Variants in TENM3 observed in about 807,000 individuals in gnomAD.
TENM3 encodes the protein teneurin transmembrane protein 3, also known as teneurin-3.
Under a neutral mutation model 255.1 loss-of-function variants are expected in TENM3, and 63 were observed. That is an observed-to-expected ratio of 0.25 (90% confidence interval 0.20 to 0.30). TENM3 has a LOEUF of 0.30. Among genes scored for constraint, TENM3 ranks in the 10% least tolerant of loss-of-function variants. The probability of loss-of-function intolerance (pLI) is 1.00; values close to 1 mark genes in which losing one functional copy is unlikely to be tolerated. For synonymous variants in TENM3, 1,306 were observed against 1,322.3 expected (o/e 0.99, Z 0.27); for missense variants, 2,929 against 3,461.1 (o/e 0.85, Z 3.86).
At chr4:182,138,247 G>A in the TENM3 span, among the ~76,000 whole-genome samples, 15 of 152,256 alleles carry the variant, frequency 9.9e-5, no homozygotes, top group Non-Finnish European at 2.1e-4. Context: ...TTATCACGAC[G>A]AATCTTTGCA....
At chr4:182,128,956 A>G in the TENM3 span, among the ~76,000 whole-genome samples, 256 of 152,316 alleles carry the variant, frequency 1.7e-3, 3 homozygotes, top group African/African-American at 5.7e-3. Context: ...TACTCAAATT[A>G]ATTCTGTCAT....
chr4:182,055,293 C>T, the TENM3 span, among the ~76,000 whole-genome samples: 1 of 151,884 alleles, frequency 6.6e-6, no homozygotes, highest in South Asian at 2.1e-4. Flanking sequence ...GGCTGTGAGC[C>T]ATGATGGTGC....
the TENM3 span, among the ~76,000 whole-genome samples, chr4:181,508,098 C>T: frequency 6.6e-6 from 1 of 152,144 alleles, no homozygotes; most frequent in East Asian, 1.9e-4. Context: ...GGATGGAGCC[C>T]GCATCTCCTC....
the TENM3 span, among the ~76,000 whole-genome samples, chr4:181,646,778 T>A: frequency 1.3e-5 from 2 of 152,154 alleles, no homozygotes; most frequent in Non-Finnish European, 1.5e-5. Context: ...GGGTACAATA[T>A]AAGCAGAATC....
At chr4:182,031,603 T>A in the TENM3 span, among the ~76,000 whole-genome samples, 1 of 152,144 alleles carries the variant, frequency 6.6e-6, no homozygotes, top group African/African-American at 2.4e-5. Flanking sequence ...TCAATGGTAG[T>A]TTGATTGGAA....
intron 1 of TENM3, among the ~76,000 whole-genome samples, chr4:182,202,167 G>GT (rs1232079680): frequency 6.6e-6 from 1 of 152,212 alleles, no homozygotes; most frequent in Non-Finnish European, 1.5e-5. Context: ...AAGCCTGAGA[G>GT]TTTTATAGCT....
intron 22 of TENM3, among the ~76,000 whole-genome samples, chr4:182,768,817 C>T (rs1579421487): frequency 1.3e-5 from 2 of 152,096 alleles, no homozygotes; most frequent in East Asian, 1.9e-4. Flanking sequence ...AGTGGAAGAG[C>T]GGTAGGTCAC....
the TENM3 span, among the ~76,000 whole-genome samples, chr4:181,575,101 C>G: frequency 6.6e-6 from 1 of 151,998 alleles, no homozygotes. Context: ...TACCAGTCCC[C>G]CATTCATTCC....
the TENM3 span, among the ~76,000 whole-genome samples, chr4:182,012,035 CAT>C: frequency 2.0e-5 from 3 of 152,174 alleles, no homozygotes; most frequent in East Asian, 1.9e-4. Flanking sequence ...CAACTGCAAA[CAT>C]ATGAATGACA....
chr4:182,184,963 A>G (rs1213476245), intron 1 of TENM3, among the ~76,000 whole-genome samples: 3 of 151,940 alleles, frequency 2.0e-5, no homozygotes, highest in African/African-American at 7.3e-5. Flanking sequence ...GGCGCCTGTG[A>G]TCCTAGTAAC....
chr4:182,311,594 A>G (rs1423270726), intron 1 of TENM3, among the ~76,000 whole-genome samples: 1 of 152,226 alleles, frequency 6.6e-6, no homozygotes, highest in Non-Finnish European at 1.5e-5. Context: ...TCTGGGCCTC[A>G]GTTCTGTCAT....
intron 5 of TENM3, among the ~76,000 whole-genome samples, chr4:182,647,992 A>G (rs1361150889): frequency 6.6e-6 from 1 of 152,076 alleles, no homozygotes; most frequent in African/African-American, 2.4e-5. Context: ...TTCCTCCTTA[A>G]AGTTTGCACT....
chr4:182,039,515 T>A, the TENM3 span, among the ~76,000 whole-genome samples: 3 of 152,144 alleles, frequency 2.0e-5, no homozygotes, highest in African/African-American at 7.2e-5. Flanking sequence ...ACCAAGGACA[T>A]ATATGCAGTA....
At chr4:182,406,043 C>T (rs1370376609) in intron 3 of TENM3, among the ~76,000 whole-genome samples, 8 of 152,146 alleles carry the variant, frequency 5.3e-5, no homozygotes, top group South Asian at 4.1e-4. Context: ...TGGTGGTTCA[C>T]GCCTGTAATC....
At chr4:181,717,288 G>A in the TENM3 span, among the ~76,000 whole-genome samples, 3 of 152,128 alleles carry the variant, frequency 2.0e-5, no homozygotes, top group Non-Finnish European at 4.4e-5. Context: ...TTATTTCTTT[G>A]TCCATGAGAA....
chr4:182,292,167 G>A (rs1302553781), intron 1 of TENM3, among the ~76,000 whole-genome samples: 1 of 152,110 alleles, frequency 6.6e-6, no homozygotes, highest in Non-Finnish European at 1.5e-5. Flanking sequence ...AAAATATGAT[G>A]CTATAAAGAT....
At chr4:182,625,929 A>T (rs984712530) in intron 4 of TENM3, among the ~76,000 whole-genome samples, 2 of 152,120 alleles carry the variant, frequency 1.3e-5, no homozygotes, top group African/African-American at 2.4e-5. Flanking sequence ...CCTGTTCCTT[A>T]CTTTTTGGTA....
intron 3 of TENM3, among the ~76,000 whole-genome samples, chr4:182,495,992 T>A (rs539869080): frequency 2.5e-4 from 38 of 152,200 alleles, no homozygotes; most frequent in Non-Finnish European, 4.7e-4. Flanking sequence ...GCATTTTACA[T>A]GATATTGTCA....
intron 5 of TENM3, among the ~76,000 whole-genome samples, chr4:182,647,409 A>G (rs763816782): frequency 6.6e-6 from 1 of 152,224 alleles, no homozygotes; most frequent in African/African-American, 2.4e-5. Context: ...GGTCATCACC[A>G]TTCTACTTTA....
Sources: allele counts gnomAD v4.1 joint callset (sites outside exome capture counted in the v4.1 genomes callset), GRCh38; gene constraint gnomAD v4.1.1; transcripts MANE v1.5; gene names NCBI Gene and HGNC (gene_info 2026-07-23, HGNC 2026-07-21).